The following MARCHF8 variants were observed in gnomAD, a reference collection of about 807,000 sequenced individuals.
MARCHF8 encodes the protein membrane associated ring-CH-type finger 8.
MARCHF8 carries 40 observed loss-of-function variants against 51.6 expected under a neutral mutation model. The observed-to-expected ratio is 0.77, with a 90% CI of 0.60 to 1.01. The LOEUF (loss-of-function observed/expected upper bound fraction) is 1.01, where lower values mean the gene tolerates loss of function less well. Among genes scored for constraint, MARCHF8 ranks in the 50% least tolerant of loss-of-function variants. The probability of loss-of-function intolerance (pLI) is 0.00; values close to 1 mark genes in which losing one functional copy is unlikely to be tolerated. For synonymous variants in MARCHF8, 263 were observed against 280.3 expected (o/e 0.94, Z 0.62); for missense variants, 685 against 708.6 (o/e 0.97, Z 0.38).
At chr10:45,535,147 T>C (rs1360127477) in intron 1 of MARCHF8, 64 bp downstream of exon 1, 1 of 152,212 alleles carries the variant, frequency 6.6e-6, no homozygotes, top group African/African-American at 2.4e-5. Flanking sequence ...GGAGCACTAC[T>C]GTGCCCAAGA....
At chr10:45,505,574 T>C (rs966330084) in intron 2 of MARCHF8, among the ~76,000 whole-genome samples, 1 of 152,232 alleles carries the variant, frequency 6.6e-6, no homozygotes, top group African/African-American at 2.4e-5. Flanking sequence ...CAGTGACTGG[T>C]TGAAGAACAA....
At position 45,463,825 on chromosome 10, in the gene MARCHF8, C is replaced by T. The variant is rs142575406; in HGVS notation, c.414G>A (p.Gln138=). The stretch of plus-strand genomic sequence containing the variant: ...TGGTATTCTTAGCAGGCTTCAAGGC[C>T]TGGGCCCATTCTGAACCAAAGGAAT... ...KRNSFGSEWA[Q]ALKPAKNTKA... The change falls in exon 5 of 8, where the codon CAG becomes CAA. Residue 138 remains glutamine, a synonymous_variant. Transcript: ENST00000453424. 388 of 1,547,136 alleles carry T rather than the reference C, an allele frequency of 2.5e-4. 3 individuals carry two copies. The East Asian group carries it at 9.2e-3, about 37-fold the overall frequency.
At chr10:45,569,090 C>CAA (rs942375193) in intron 1 of MARCHF8, among the ~76,000 whole-genome samples, 1 of 139,526 alleles carries the variant, frequency 7.2e-6, no homozygotes, top group African/African-American at 2.6e-5. Flanking sequence ...AAAAAAATTG[C>CAA]AAAAAAAAAC....
At chr10:45,565,003 A>T (rs1211217567) in intron 1 of MARCHF8, among the ~76,000 whole-genome samples, 1 of 151,926 alleles carries the variant, frequency 6.6e-6, no homozygotes. Context: ...AAAAAAAAAA[A>T]AATACTGGAA....
intron 3 of MARCHF8, among the ~76,000 whole-genome samples, chr10:45,487,962 ACC>A (rs1336228583): frequency 1.3e-5 from 2 of 152,060 alleles, no homozygotes; most frequent in Non-Finnish European, 2.9e-5. Context: ...GAAAAGGTCC[ACC>A]CTTACAAAGA....
intron 3 of MARCHF8, among the ~76,000 whole-genome samples, chr10:45,472,439 G>C (rs1260168578): frequency 6.6e-6 from 1 of 152,178 alleles, no homozygotes; most frequent in Non-Finnish European, 1.5e-5. Context: ...TCTCAAACTT[G>C]TTGGCCACAG....
At chr10:45,526,343 T>C (rs2043793057) in intron 2 of MARCHF8, among the ~76,000 whole-genome samples, 1 of 152,194 alleles carries the variant, frequency 6.6e-6, no homozygotes, top group African/African-American at 2.4e-5. Flanking sequence ...AAAGGGTAGA[T>C]GAGAGACTCC....
At chr10:45,461,494 A>T in intron 5 of MARCHF8, 83 bp from the exon 6 acceptor site, 1 of 1,238,110 alleles carries the variant, frequency 8.1e-7, no homozygotes, top group South Asian at 1.9e-5. Flanking sequence ...TAATCCCCCC[A>T]AAGGAAACTC....
At chr10:45,540,037 T>G (rs975349526), upstream of MARCHF8, among the ~76,000 whole-genome samples, 1 of 151,974 alleles carries the variant, frequency 6.6e-6, no homozygotes, top group African/African-American at 2.4e-5. Context: ...CACTGCTCAA[T>G]GAAATAAAAG....
chr10:45,499,513 C>A (rs1365470397), intron 2 of MARCHF8, among the ~76,000 whole-genome samples: 2 of 152,034 alleles, frequency 1.3e-5, no homozygotes, highest in Admixed American at 1.3e-4. Flanking sequence ...TTTGCCAAAT[C>A]CAAAGTCAAG....
intron 2 of MARCHF8, among the ~76,000 whole-genome samples, chr10:45,507,853 T>C (rs1392275316): frequency 6.6e-6 from 1 of 152,026 alleles, no homozygotes; most frequent in African/African-American, 2.4e-5. Context: ...TTGTAGTTCC[T>C]GTAGTATCAA....
At chr10:45,572,229 C>T (rs976964256) in intron 1 of MARCHF8, among the ~76,000 whole-genome samples, 7 of 150,182 alleles carry the variant, frequency 4.7e-5, no homozygotes, top group Non-Finnish European at 7.4e-5. Context: ...CCCCCTCACC[C>T]CTTCTCTGTG....
In MARCHF8 at chr10:45,458,024, C is replaced by T; in HGVS notation, c.*215G>A. 1 of 553,498 alleles carries T rather than the reference C, an allele frequency of 1.8e-6. No individual in the cohort carries two copies. The highest frequency in any genetic ancestry group is 3.0e-5 in the East Asian group (1 of 33,314). The allele number at this position is 553,498 out of a possible 1,614,324, so 34.3% of individuals were successfully genotyped here. ...GTCATCATGGGGTCTTCCACTTTCCCACAGAGCTGCCAGGCAGAGGCAGGA... is the reference window on the plus strand; with the variant it reads ...GTCATCATGGGGTCTTCCACTTTCCTACAGAGCTGCCAGGCAGAGGCAGGA... On this transcript the variant is annotated 3_prime_UTR_variant, in exon 8 of 8. Transcript: ENST00000453424.
chr10:45,581,009 T>C (rs576386929), intron 1 of MARCHF8, among the ~76,000 whole-genome samples: 2 of 151,946 alleles, frequency 1.3e-5, no homozygotes, highest in Admixed American at 1.3e-4. Context: ...CACAGTCAGG[T>C]AAGAGGAGGC....
intron 2 of MARCHF8, among the ~76,000 whole-genome samples, chr10:45,499,806 T>C (rs1462445674): frequency 6.6e-6 from 1 of 152,238 alleles, no homozygotes; most frequent in Non-Finnish European, 1.5e-5. Flanking sequence ...GTCTATCTTA[T>C]GCCAGTACCA....
intron 3 of MARCHF8, among the ~76,000 whole-genome samples, chr10:45,471,683 C>T (rs1445854772): frequency 6.6e-6 from 1 of 152,222 alleles, no homozygotes; most frequent in African/African-American, 2.4e-5. Context: ...AAAGTCTTCC[C>T]TCTGTGTTCT....
chr10:45,466,601 A>G (rs1383115398), intron 3 of MARCHF8, among the ~76,000 whole-genome samples: 2 of 152,056 alleles, frequency 1.3e-5, no homozygotes, highest in Non-Finnish European at 2.9e-5. Context: ...GAAAGTACCT[A>G]GTCACCCTCC....
intron 1 of MARCHF8, among the ~76,000 whole-genome samples, chr10:45,588,372 T>A (rs1477481046): frequency 2.0e-5 from 3 of 152,194 alleles, no homozygotes; most frequent in Admixed American, 2.0e-4. Flanking sequence ...AGACGGTAGT[T>A]TTGCCTTGAT....
intron 1 of MARCHF8, among the ~76,000 whole-genome samples, chr10:45,581,420 C>G (rs954953605): frequency 1.3e-5 from 2 of 152,108 alleles, no homozygotes; most frequent in African/African-American, 4.8e-5. Flanking sequence ...TGAGGTAGTT[C>G]AGGAAATGTA....
Sources: allele counts gnomAD v4.1 joint callset (sites outside exome capture counted in the v4.1 genomes callset), GRCh38; gene constraint gnomAD v4.1.1; transcripts MANE v1.5; gene names NCBI Gene and HGNC (gene_info 2026-07-23, HGNC 2026-07-21).